The following FBN2 variants were observed in gnomAD, a reference collection of about 807,000 sequenced individuals.
FBN2 encodes fibrillin-2.
A neutral mutation model predicts 355.6 loss-of-function variants in FBN2; 105 were observed. That is an observed-to-expected ratio of 0.30 (90% CI 0.25 to 0.35). The LOEUF is 0.35. Ranked by LOEUF, FBN2 falls within the 10% of genes least tolerant of loss-of-function variation. The pLI is 1.00. For missense variants in FBN2, 3,280 were observed against 3,758.7 expected (o/e 0.87, Z 3.33); for synonymous variants, 1,350 against 1,301.2 (o/e 1.04, Z -0.81).
Position 128,307,151 on chromosome 5 carries a change from G to A in FBN2, c.5406C>T (p.His1802=). 6.2e-7 allele frequency: 1 copy of A among 1,610,124 alleles called. No homozygotes were observed. Among genetic ancestry groups the A allele is most frequent in the Non-Finnish European group, 8.5e-7 (1 of 1,176,654 alleles). Residue 1802 remains histidine, a synonymous_variant, in exon 42 of 65, where the codon CAC becomes CAT. Transcript: ENST00000262464. ...AAAACTCACCAACAGCTTTTCCTGT[G>A]TGAATGTCAAAGGTGAATCCAGGAA... ...GNIPGFTFDI[H]TGKAVDIDEC... is the part of the protein sequence containing the mutation.
chr5:128,410,033 T>C (rs1240775533), intron 7 of FBN2, among the ~76,000 whole-genome samples: 1 of 152,170 alleles, frequency 6.6e-6, no homozygotes, highest in African/African-American at 2.4e-5. Flanking sequence ...TGGCATGTTC[T>C]TATAAAAAAA....
At position 128,274,621 on chromosome 5, in the gene FBN2, C is replaced by A; in HGVS notation, c.7657G>T (p.Gly2553Trp). The A allele has an allele frequency of 6.2e-7, 1 of 1,613,522 alleles. No homozygotes were observed. ...CCAGGTGGACATTTACAGGTAAACC[C>A]CCCCAGGGTGTTGACACAGAGGAAC... is the stretch of plus-strand genomic sequence containing the variant. Reference protein sequence around the residue: ...CQFLCVNTLGGFTCKCPPGFT... With the variant: ...CQFLCVNTLGWFTCKCPPGFT... The change falls in exon 60 of 65, where the codon GGG (glycine) becomes TGG (tryptophan). Residue 2553 changes from glycine to tryptophan, a missense_variant. Gly to Trp is a radical substitution (Grantham distance 184). Transcript: ENST00000262464.
intron 58 of FBN2, 117 bp from the exon 59 acceptor site, chr5:128,276,277 T>C: frequency 1.9e-6 from 2 of 1,049,562 alleles, no homozygotes; most frequent in Non-Finnish European, 2.9e-6. Flanking sequence ...TAAAGTGGAA[T>C]ATAGCCAGAG....
chr5:128,491,485 T>C (rs1157250607), intron 5 of FBN2, among the ~76,000 whole-genome samples: 3 of 152,212 alleles, frequency 2.0e-5, no homozygotes, highest in Admixed American at 6.5e-5. Flanking sequence ...TCACGTTTTG[T>C]CTACACAGGA....
chr5:128,495,102 T>G (rs1347878214), intron 5 of FBN2, among the ~76,000 whole-genome samples: 1 of 151,932 alleles, frequency 6.6e-6, no homozygotes, highest in Non-Finnish European at 1.5e-5. Flanking sequence ...GAAGACAAAC[T>G]ATAAAAAGAA....
At chr5:128,443,218 C>G (rs765341995) in intron 7 of FBN2, among the ~76,000 whole-genome samples, 1 of 152,160 alleles carries the variant, frequency 6.6e-6, no homozygotes, top group Non-Finnish European at 1.5e-5. Flanking sequence ...TGCTCTTGAT[C>G]TCTCAATGGC....
intron 48 of FBN2, among the ~76,000 whole-genome samples, chr5:128,293,111 T>C (rs1375340255): frequency 2.0e-5 from 3 of 152,242 alleles, no homozygotes; most frequent in Non-Finnish European, 4.4e-5. Context: ...GCAGGGTATG[T>C]GTACACATAT....
At chr5:128,413,322 A>G (rs1460658573) in intron 7 of FBN2, among the ~76,000 whole-genome samples, 2 of 152,162 alleles carry the variant, frequency 1.3e-5, no homozygotes, top group African/African-American at 4.8e-5. Flanking sequence ...AAGTCAGAGG[A>G]AGAAAAGCAG....
At chr5:128,272,249 G>C in intron 61 of FBN2, 131 bp from the exon 62 acceptor site, 1 of 1,040,218 alleles carries the variant, frequency 9.6e-7, no homozygotes, top group Non-Finnish European at 1.4e-6. Flanking sequence ...ACATAGAGAG[G>C]CTGTCATTTT....
intron 20 of FBN2, among the ~76,000 whole-genome samples, chr5:128,351,248 A>G (rs1482325687): frequency 6.6e-6 from 1 of 151,870 alleles, no homozygotes; most frequent in African/African-American, 2.4e-5. Context: ...AGAATACTTT[A>G]AAAGTTTTAA....
Position 128,487,041 on chromosome 5 carries a change from G to A in FBN2, c.629-22120C>T, listed in dbSNP as rs1755356940. 2.0e-5 allele frequency among the ~76,000 whole-genome samples: 3 copies of A among 152,180 alleles called. No homozygotes were observed. The South Asian group carries it at 6.2e-4, about 32-fold the overall frequency. ...ATATCCAATTTTCCTCTCTTTTCAG[G>A]CACATAGAAAAATGTACGTATCTGC... On this transcript the variant is annotated intron_variant, in intron 5 of 64. Transcript: ENST00000262464.
At position 128,377,879 on chromosome 5, in the gene FBN2, T is replaced by G. The variant is rs876661172; in HGVS notation, c.1724-2A>C. On this transcript the variant is annotated splice_acceptor_variant, in intron 12 of 64. Coordinates refer to ENST00000262464, the MANE Select transcript of FBN2 (RefSeq NM_001999.4). LOFTEE classifies it high-confidence loss of function. ...CATTCTGGATGCACTCATCAATATC[T>G]AGGAAGATTGAGAATGGCCAAACAT... is the stretch of plus-strand genomic sequence containing the variant. 6.2e-7 allele frequency: 1 copy of G among 1,612,524 alleles called. No individual in the cohort carries two copies. Among genetic ancestry groups the G allele is most frequent in the African/African-American group, 1.3e-5 (1 of 74,852 alleles).
intron 5 of FBN2, among the ~76,000 whole-genome samples, chr5:128,508,390 T>C (rs1420182299): frequency 6.6e-6 from 1 of 151,916 alleles, no homozygotes; most frequent in Non-Finnish European, 1.5e-5. Flanking sequence ...TTATCACCTT[T>C]TGTTGGCTTT....
chr5:128,305,929 C>T lies in FBN2; in HGVS notation c.5442G>A (p.Glu1814=), dbSNP rs761846188. 6.2e-7 allele frequency: 1 copy of T among 1,613,848 alleles called. No individual in the cohort carries two copies. Among genetic ancestry groups the T allele is most frequent in the Admixed American group, 1.7e-5 (1 of 60,002 alleles). Residue 1814 remains glutamate (E), a synonymous_variant, in exon 43 of 65, where the codon GAG becomes GAA. Transcript: ENST00000262464. Reference sequence around the variant, plus strand: ...CACCATTTGCACAAATGCCTGGAATCTCTTTACATTCATCAATGTCTGAAA... The same window carrying T: ...CACCATTTGCACAAATGCCTGGAATTTCTTTACATTCATCAATGTCTGAAA... The part of the protein sequence containing the change: ...GKAVDIDECK[E]IPGICANGVC...
At chr5:128,535,077 T>G (rs1486301374) in intron 2 of FBN2, among the ~76,000 whole-genome samples, 1 of 152,216 alleles carries the variant, frequency 6.6e-6, no homozygotes, top group Non-Finnish European at 1.5e-5. Flanking sequence ...ACTTCTGTGT[T>G]GGAGAGAAAA....
At chr5:128,297,547 A>G (rs1387085675) in intron 48 of FBN2, among the ~76,000 whole-genome samples, 1 of 152,164 alleles carries the variant, frequency 6.6e-6, no homozygotes, top group Non-Finnish European at 1.5e-5. Context: ...TATATTTAGG[A>G]CAGTTCACTC....
intron 34 of FBN2, 197 bp downstream of exon 34, chr5:128,328,499 G>T (rs533085130): frequency 1.9e-5 from 13 of 682,868 alleles, no homozygotes; most frequent in Non-Finnish European, 3.1e-5. Flanking sequence ...TCTTGGCCAG[G>T]AAAACTTCAT....
At chr5:128,371,164 T>A (rs560071476) in intron 15 of FBN2, 12 of 152,290 alleles carry the variant, frequency 7.9e-5, no homozygotes, top group African/African-American at 2.9e-4. Context: ...TATCTGTAAC[T>A]GATACTGTGA....
At chr5:128,284,707 A>C (rs1227019580) in intron 55 of FBN2, among the ~76,000 whole-genome samples, 2 of 152,134 alleles carry the variant, frequency 1.3e-5, no homozygotes, top group Non-Finnish European at 2.9e-5. Context: ...GGCTCTGATA[A>C]AGTTCTTAAA....
Sources: gnomAD v4.1 joint callset for allele counts (sites outside exome capture counted in the v4.1 genomes callset) on GRCh38, gnomAD v4.1.1 for gene constraint, MANE v1.5 for transcripts, NCBI Gene and HGNC (gene_info 2026-07-23, HGNC 2026-07-21) for gene names.